The following ANK2 variants were observed in gnomAD, a reference collection of about 807,000 sequenced individuals.
The protein encoded by ANK2 is ankyrin-2.
In ANK2, 83 loss-of-function variants were observed where a neutral mutation model predicts 360.5. That is an observed-to-expected ratio of 0.23 (90% CI 0.19 to 0.28). ANK2 has a LOEUF of 0.28. Among genes scored for constraint, ANK2 ranks in the 10% least tolerant of loss-of-function variants. The pLI, the probability that ANK2 is intolerant of heterozygous loss-of-function variation, is 1.00. For missense variants in ANK2, 4,201 were observed against 4,795.7 expected (o/e 0.88, Z 3.66); for synonymous variants, 1,740 against 1,759.5 (o/e 0.99, Z 0.28).
chr4:113,349,245 C>T (rs1477451229), intron 36 of ANK2, among the ~76,000 whole-genome samples: 1 of 151,814 alleles, frequency 6.6e-6, no homozygotes, highest in African/African-American at 2.4e-5. Context: ...TCTGAAAATG[C>T]CCAAATATTA....
chr4:112,719,594 G>A, the ANK2 span, among the ~76,000 whole-genome samples: 2 of 152,008 alleles, frequency 1.3e-5, no homozygotes, highest in Admixed American at 1.3e-4. Context: ...CAGGCGTTGT[G>A]GTGGGCGCCT....
intron 2 of ANK2, among the ~76,000 whole-genome samples, chr4:113,041,398 T>C (rs927746247): frequency 1.3e-5 from 2 of 152,084 alleles, no homozygotes; most frequent in Non-Finnish European, 2.9e-5. Context: ...TGTTGCTGGG[T>C]GTGGCTTCTC....
chr4:113,316,170 C>T (rs2082868065), intron 24 of ANK2, among the ~76,000 whole-genome samples: 1 of 152,160 alleles, frequency 6.6e-6, no homozygotes, highest in South Asian at 2.1e-4. Flanking sequence ...CTGTCAAGAG[C>T]CTCAATCTTC....
chr4:112,744,237 C>T, the ANK2 span, among the ~76,000 whole-genome samples: 7 of 152,090 alleles, frequency 4.6e-5, no homozygotes, highest in Non-Finnish European at 1.0e-4. Context: ...AAATAGCTCA[C>T]ATAGATAAAC....
At chr4:113,330,183 C>A in intron 26 of ANK2, 63 bp from the exon 27 acceptor site, 1 of 1,487,514 alleles carries the variant, frequency 6.7e-7, no homozygotes, top group Non-Finnish European at 9.2e-7. Context: ...AACAACTTGA[C>A]AAAGCTTGTT....
chr4:112,708,744 G>GT, the ANK2 span, among the ~76,000 whole-genome samples: 15 of 152,042 alleles, frequency 9.9e-5, no homozygotes, highest in Non-Finnish European at 1.9e-4. Flanking sequence ...TCAACTTTTT[G>GT]TTTTGATCAC....
chr4:113,305,179 A>T (rs2076658177), intron 23 of ANK2, among the ~76,000 whole-genome samples: 1 of 150,712 alleles, frequency 6.6e-6, no homozygotes, highest in Non-Finnish European at 1.5e-5. Flanking sequence ...TCTCTACTAA[A>T]AATACAAAAA....
intron 45 of ANK2, 140 bp downstream of exon 45, chr4:113,373,589 C>A: frequency 1.1e-6 from 1 of 917,928 alleles, no homozygotes; most frequent in African/African-American, 1.6e-5. Context: ...GCACATTCAC[C>A]TTTTTGTTTT....
At chr4:112,974,429 AC>A (rs1561362766) in intron 2 of ANK2, among the ~76,000 whole-genome samples, 1 of 152,196 alleles carries the variant, frequency 6.6e-6, no homozygotes, top group Non-Finnish European at 1.5e-5. Flanking sequence ...AAATTAACAT[AC>A]TACCTGGTAT....
chr4:113,094,530 G>T, intron 1 of ANK2, among the ~76,000 whole-genome samples: 1 of 152,004 alleles, frequency 6.6e-6, no homozygotes, highest in South Asian at 2.1e-4. Flanking sequence ...GTGTGTGTGT[G>T]TGTGTGTGCA....
At position 113,287,710 on chromosome 4, in the gene ANK2, CA is replaced by C. The variant is rs1267709228; in HGVS notation, c.2178+10del. On this transcript the variant is annotated splice_region_variant and intron_variant, in intron 19 of 45. Coordinates refer to ENST00000357077, the MANE Select transcript of ANK2 (RefSeq NM_001148.6). ...TCAGGATGCTCATACAAAGGTAAAG[CA>C]AATCACTCTCAGTATTGTGACAGGT... 3.1e-6 allele frequency: 5 copies of C among 1,595,212 alleles called. No individual in the cohort carries two copies. Among genetic ancestry groups the C allele is most frequent in the Non-Finnish European group, 4.3e-6 (5 of 1,163,228 alleles).
chr4:112,773,497 A>G, the ANK2 span, among the ~76,000 whole-genome samples: 1 of 152,148 alleles, frequency 6.6e-6, no homozygotes, highest in Admixed American at 6.5e-5. Flanking sequence ...CTTCCCACCT[A>G]CCCTTAGACT....
chr4:113,012,619 C>T (rs1047824178), intron 2 of ANK2, among the ~76,000 whole-genome samples: 3 of 152,042 alleles, frequency 2.0e-5, no homozygotes, highest in Non-Finnish European at 4.4e-5. Flanking sequence ...TTGTGGCAAA[C>T]ATATAATTTT....
chr4:113,336,543 C>T, intron 30 of ANK2, 34 bp from the exon 31 acceptor site: 2 of 1,531,672 alleles, frequency 1.3e-6, no homozygotes, highest in South Asian at 1.2e-5. Context: ...AATATATACA[C>T]AAATATATAT....
intron 1 of ANK2, among the ~76,000 whole-genome samples, chr4:112,848,225 A>T (rs767536691): frequency 6.6e-6 from 1 of 152,062 alleles, no homozygotes; most frequent in Non-Finnish European, 1.5e-5. Context: ...CCTGGGTTCA[A>T]GCGATTCACC....
At chr4:113,036,988 CA>C (rs2061748703) in intron 2 of ANK2, among the ~76,000 whole-genome samples, 2 of 151,944 alleles carry the variant, frequency 1.3e-5, no homozygotes, top group Non-Finnish European at 2.9e-5. Flanking sequence ...AGCCTGTACA[CA>C]TTACTTTAAT....
In ANK2 at chr4:113,097,868, A is replaced by G. The variant is rs1425799242; in HGVS notation, c.84+48056A>G. Among the ~76,000 whole-genome samples the G allele has an allele frequency of 1.5e-3, 175 of 112,980 alleles. 2 individuals carry two copies. The East Asian group carries it at 0.016, about 10-fold the overall frequency. The allele number at this position is 112,980 out of a possible 152,430, so 74.1% of individuals were successfully genotyped here. A position where few individuals can be genotyped will look rare whatever the true frequency, so the allele number is the denominator to read the frequency against. On this transcript the variant is annotated intron_variant, in intron 1 of 45. Coordinates refer to ENST00000357077, the MANE Select transcript of ANK2 (RefSeq NM_001148.6). ...TGTGTGTGTGTGTGTGTGTGTGTGTATATATATGCACACACACACACACGC... is the reference window on the plus strand; with the variant it reads ...TGTGTGTGTGTGTGTGTGTGTGTGTGTATATATGCACACACACACACACGC...
intron 26 of ANK2, among the ~76,000 whole-genome samples, chr4:113,329,051 A>G (rs1004876507): frequency 9.9e-5 from 15 of 152,188 alleles, no homozygotes; most frequent in Non-Finnish European, 2.1e-4. Flanking sequence ...TCCTCTTCCC[A>G]TTTTGGTGTA....
chr4:113,191,980 CT>C (rs1249149854), intron 2 of ANK2, among the ~76,000 whole-genome samples: 1 of 152,086 alleles, frequency 6.6e-6, no homozygotes, highest in African/African-American at 2.4e-5. Flanking sequence ...ATTGTCAGTC[CT>C]TTTATTTGCA....
Sources: gnomAD v4.1 joint callset for allele counts (sites outside exome capture counted in the v4.1 genomes callset) on GRCh38, gnomAD v4.1.1 for gene constraint, MANE v1.5 for transcripts, NCBI Gene and HGNC (gene_info 2026-07-23, HGNC 2026-07-21) for gene names.